Variants in DSN1 observed in about 807,000 individuals in gnomAD.
DSN1 encodes DSN1 component of MIS12 kinetochore complex, also known as kinetochore-associated protein DSN1 homolog.
A neutral mutation model predicts 45.7 loss-of-function variants in DSN1; 31 were observed. The ratio of observed to expected loss-of-function variants is 0.68; its 90% CI spans 0.51 to 0.92. The LOEUF is 0.92. Among genes scored for constraint, DSN1 ranks in the 40% least tolerant of loss-of-function variants. The pLI is 0.00. For missense variants in DSN1, 394 were observed against 414.2 expected, an observed-to-expected ratio of 0.95 and a Z score of 0.42; for synonymous variants, 134 against 142.3, an observed-to-expected ratio of 0.94 and a Z score of 0.41.
At chr20:36,767,386 GA>G (rs35041125) in intron 4 of DSN1, among the ~76,000 whole-genome samples, 11,070 of 147,968 alleles carry the variant, frequency 0.075, 495 homozygotes, top group Admixed American at 0.12. Flanking sequence ...TTCGGTTCAG[GA>G]AAAAAAAAAG....
chr20:36,767,659 T>C (rs1987418808), intron 4 of DSN1, among the ~76,000 whole-genome samples: 1 of 152,036 alleles, frequency 6.6e-6, no homozygotes, highest in Admixed American at 6.5e-5. Flanking sequence ...ATCCCAGCAC[T>C]TTGGGAGGCC....
intron 9 of DSN1, among the ~76,000 whole-genome samples, 179 bp from the exon 10 acceptor site, chr20:36,755,029 C>T (rs1986598478): frequency 6.6e-6 from 1 of 152,162 alleles, no homozygotes; most frequent in Non-Finnish European, 1.5e-5. Flanking sequence ...CTCCAGGCTG[C>T]TCTATGCTCC....
chr20:36,766,484 T>C (rs1987345637), intron 5 of DSN1, among the ~76,000 whole-genome samples: 2 of 151,972 alleles, frequency 1.3e-5, no homozygotes, highest in African/African-American at 4.8e-5. Context: ...CTGGCCAACA[T>C]GGTGAAACCT....
intron 6 of DSN1, among the ~76,000 whole-genome samples, chr20:36,761,150 T>A (rs897019180): frequency 6.6e-6 from 1 of 152,192 alleles, no homozygotes; most frequent in East Asian, 1.9e-4. Flanking sequence ...CTTGGCAAGG[T>A]AGCAAAGATG....
At chr20:36,759,009 G>C (rs904980255) in intron 6 of DSN1, among the ~76,000 whole-genome samples, 1 of 149,394 alleles carries the variant, frequency 6.7e-6, no homozygotes, top group Non-Finnish European at 1.5e-5. Flanking sequence ...TTGAGACGGA[G>C]TCTCGCTTTG....
At chr20:36,755,888 C>T in intron 8 of DSN1, 59 bp from the exon 9 acceptor site, 1 of 1,567,150 alleles carries the variant, frequency 6.4e-7, no homozygotes, top group Non-Finnish European at 8.7e-7. Flanking sequence ...GGAAGAGATA[C>T]CAAAGATTAT....
chr20:36,755,639 G>GC, intron 9 of DSN1, 43 bp downstream of exon 9: 1 of 1,588,370 alleles, frequency 6.3e-7, no homozygotes, highest in Non-Finnish European at 8.6e-7. Flanking sequence ...TTACAAGGTG[G>GC]CAAAGCTGGA....
At chr20:36,760,825 G>T (rs534478086) in intron 6 of DSN1, among the ~76,000 whole-genome samples, 1 of 152,182 alleles carries the variant, frequency 6.6e-6, no homozygotes, top group Admixed American at 6.6e-5. Flanking sequence ...GGGAGGCAGA[G>T]GTTGCAGTGA....
At chr20:36,759,971 T>A (rs1986883887) in intron 6 of DSN1, among the ~76,000 whole-genome samples, 1 of 151,896 alleles carries the variant, frequency 6.6e-6, no homozygotes, top group Non-Finnish European at 1.5e-5. Context: ...CAGCCAGGCG[T>A]GGTGGCTCAC....
At chr20:36,771,921 C>T (rs1244594109) in intron 1 of DSN1, among the ~76,000 whole-genome samples, 1 of 152,196 alleles carries the variant, frequency 6.6e-6, no homozygotes, top group Non-Finnish European at 1.5e-5. Context: ...TGCTCTGTTG[C>T]CCAGGCTGGA....
At chr20:36,753,114 CG>C (rs1387584454) in intron 10 of DSN1, among the ~76,000 whole-genome samples, 1 of 149,118 alleles carries the variant, frequency 6.7e-6, no homozygotes, top group Non-Finnish European at 1.5e-5. Flanking sequence ...GAGACCAAGG[CG>C]GGACGATTCC....
chr20:36,757,438 G>T (rs116505782), intron 8 of DSN1, among the ~76,000 whole-genome samples: 1 of 152,050 alleles, frequency 6.6e-6, no homozygotes, highest in African/African-American at 2.4e-5. Context: ...AATTAGCCAC[G>T]CATCATGGCA....
chr20:36,766,851 G>T lies in DSN1; in HGVS notation c.430-10C>A, dbSNP rs367969792. On this transcript the variant is annotated splice_polypyrimidine_tract_variant and intron_variant, in intron 4 of 10. Coordinates refer to ENST00000373750, the MANE Select transcript of DSN1 (RefSeq NM_001145315.2). ...GTTTCTGAATAGAGAACTAAATAAA[G>T]AAAAGCATTTTTAGTACAACCACCA... 23 of 1,583,638 alleles carry T rather than the reference G, an allele frequency of 1.5e-5. No individual in the cohort carries two copies. The African/African-American group carries it at 2.6e-4, about 18-fold the overall frequency.
In DSN1 at chr20:36,752,816, T is replaced by G; in HGVS notation, c.1043A>C (p.His348Pro). The change falls in exon 11 of 11, where the codon CAT becomes CCT. Residue 348 changes from histidine to proline, a missense_variant. Coordinates refer to ENST00000373750, the MANE Select transcript of DSN1 (RefSeq NM_001145315.2). Reference sequence around the variant, plus strand: ...CTGACAAGATCCAGATCCAGATCCATGTATGGCAGGTGGGTTCTGTAGCTG... The same window carrying G: ...CTGACAAGATCCAGATCCAGATCCAGGTATGGCAGGTGGGTTCTGTAGCTG... ...KLQLQNPPAIHGSGSGSCQ is the reference protein window; with the variant it reads ...KLQLQNPPAIPGSGSGSCQ The G allele has an allele frequency of 6.2e-7, 1 of 1,614,166 alleles. No homozygotes were observed. Among genetic ancestry groups the G allele is most frequent in the Non-Finnish European group, 8.5e-7 (1 of 1,180,020 alleles).
At chr20:36,758,735 T>A (rs1460884178) in intron 6 of DSN1, 118 bp from the exon 7 acceptor site, 1 of 916,568 alleles carries the variant, frequency 1.1e-6, no homozygotes, top group Non-Finnish European at 1.6e-6. Context: ...TTGCCCAGGC[T>A]GGAGTGCAAT....
chr20:36,771,459 C>T lies in DSN1; in HGVS notation c.-1G>A, dbSNP rs1427346184. Reference sequence around the variant, plus strand: ...TCTCTGATCTAGTCACTGAAGTCATCCTAGGTGGTAAACTCTGAAAATAGG... The same window carrying T: ...TCTCTGATCTAGTCACTGAAGTCATTCTAGGTGGTAAACTCTGAAAATAGG... On this transcript the variant is annotated 5_prime_UTR_variant, in exon 2 of 11. Transcript: ENST00000373750. 1 of 1,613,424 alleles carries T rather than the reference C, an allele frequency of 6.2e-7. No individual in the cohort carries two copies.
chr20:36,757,552 CAG>C (rs1986742262), intron 8 of DSN1, among the ~76,000 whole-genome samples: 1 of 152,112 alleles, frequency 6.6e-6, no homozygotes, highest in African/African-American at 2.4e-5. Context: ...GCCTTGGCAA[CAG>C]AGCGAGAGTC....
rs200710679 is a variant in DSN1, at chr20:36,755,777, G to A, written c.778C>T (p.Leu260Phe). Residue 260 changes from leucine to phenylalanine, a missense_variant, in exon 9 of 11, where the codon CTT becomes TTT. Leu to Phe is a conservative substitution (Grantham distance 22). Transcript: ENST00000373750. Reference protein sequence around the residue: ...TEVKVEPMTYLGSSQNEVLNT... With the variant: ...TEVKVEPMTYFGSSQNEVLNT... Reference sequence around the variant, plus strand: ...AGAACTTCATTCTGAGAAGACCCAAGATATGTCATAGGTTCCACTTTGACC... The same window carrying A: ...AGAACTTCATTCTGAGAAGACCCAAAATATGTCATAGGTTCCACTTTGACC... The A allele has an allele frequency of 1.4e-5, 23 of 1,613,990 alleles. No individual in the cohort carries two copies. The African/African-American group carries it at 2.9e-4, about 21-fold the overall frequency.
intron 6 of DSN1, among the ~76,000 whole-genome samples, chr20:36,760,821 C>T (rs1299827237): frequency 6.6e-6 from 1 of 151,996 alleles, no homozygotes; most frequent in Admixed American, 6.6e-5. Context: ...ACTTGGGAGG[C>T]AGAGGTTGCA....
Sources: gnomAD v4.1 joint callset for allele counts (sites outside exome capture counted in the v4.1 genomes callset) on GRCh38, gnomAD v4.1.1 for gene constraint, MANE v1.5 for transcripts, NCBI Gene and HGNC (gene_info 2026-07-23, HGNC 2026-07-21) for gene names.